The following TTLL11 variants were observed in gnomAD, a reference collection of about 807,000 sequenced individuals.
The protein encoded by TTLL11 is tubulin tyrosine ligase like 11, also known as tubulin polyglutamylase TTLL11.
Under a neutral mutation model 51.7 loss-of-function variants are expected in TTLL11, and 42 were observed. The ratio of observed to expected loss-of-function variants is 0.81; its 90% CI spans 0.64 to 1.05. The LOEUF (loss-of-function observed/expected upper bound fraction) is 1.05. Ranked by LOEUF, TTLL11 falls within the 50% of genes least tolerant of loss-of-function variation. The probability of loss-of-function intolerance (pLI) is 0.00; values close to 1 mark genes in which losing one functional copy is unlikely to be tolerated. For synonymous variants in TTLL11, 381 were observed against 383.5 expected (o/e 0.99, Z 0.08); for missense variants, 799 against 940.4 (o/e 0.85, Z 1.97).
At chr9:121,916,647 T>G (rs537883906) in intron 6 of TTLL11, among the ~76,000 whole-genome samples, 1 of 152,262 alleles carries the variant, frequency 6.6e-6, no homozygotes, top group Admixed American at 6.5e-5. Flanking sequence ...ACTTTCTGAG[T>G]TGGCCTTTAA....
intron 8 of TTLL11, among the ~76,000 whole-genome samples, chr9:121,860,023 C>T (rs1837956041): frequency 6.6e-6 from 1 of 152,182 alleles, no homozygotes; most frequent in African/African-American, 2.4e-5. Flanking sequence ...ACCCTCCAGC[C>T]CACCCAAGGC....
intron 8 of TTLL11, among the ~76,000 whole-genome samples, chr9:121,823,476 G>A (rs1836647289): frequency 6.6e-6 from 1 of 152,212 alleles, no homozygotes; most frequent in South Asian, 2.1e-4. Context: ...AACCTGGGAG[G>A]CAGAGGTTGC....
At chr9:122,073,577 G>C (rs560691930) in intron 1 of TTLL11, among the ~76,000 whole-genome samples, 2 of 152,288 alleles carry the variant, frequency 1.3e-5, no homozygotes, top group African/African-American at 4.8e-5. Flanking sequence ...CTTAAAGAAA[G>C]TGAGATTTAA....
At chr9:121,931,515 G>T (rs1365977484) in intron 6 of TTLL11, among the ~76,000 whole-genome samples, 2 of 150,172 alleles carry the variant, frequency 1.3e-5, no homozygotes, top group African/African-American at 2.5e-5. Context: ...AGCCAAGGCA[G>T]GTGGATCACT....
chr9:122,045,295 G>A (rs1275933090), intron 1 of TTLL11, among the ~76,000 whole-genome samples: 3 of 152,086 alleles, frequency 2.0e-5, no homozygotes, highest in Non-Finnish European at 2.9e-5. Context: ...CCTCACCCCT[G>A]TAATCCCAGC....
intron 1 of TTLL11, among the ~76,000 whole-genome samples, chr9:122,089,487 T>A (rs1027044953): frequency 6.6e-6 from 1 of 152,186 alleles, no homozygotes; most frequent in Admixed American, 6.5e-5. Flanking sequence ...GTCAACTTTG[T>A]AGGAGGTACT....
chr9:122,044,800 C>A (rs568036420), intron 1 of TTLL11, among the ~76,000 whole-genome samples: 252 of 152,244 alleles, frequency 1.7e-3, no homozygotes, highest in African/African-American at 5.8e-3. Flanking sequence ...CTGCTTCATA[C>A]CCATTAGGAT....
chr9:122,039,209 G>A lies in TTLL11; in HGVS notation c.559+63C>T, dbSNP rs540225557. 26 of 1,337,980 alleles carry A rather than the reference G, an allele frequency of 1.9e-5. No homozygotes were observed. In the East Asian group the frequency reaches 5.6e-4, roughly 29 times the overall value. 82.9% of individuals were successfully genotyped at this position (1,337,980 alleles called of 1,614,324 possible). On this transcript the variant is annotated intron_variant, in intron 2 of 8. Coordinates refer to ENST00000321582, the MANE Select transcript of TTLL11 (RefSeq NM_001139442.2). ...CAAAAATAACTGTCATGTTTTAGTA[G>A]AAGAGTGTATCTGAGACTTGGCCCT...
chr9:121,959,287 C>T (rs1447859022), intron 6 of TTLL11, among the ~76,000 whole-genome samples: 1 of 152,204 alleles, frequency 6.6e-6, no homozygotes, highest in African/African-American at 2.4e-5. Context: ...CTAATCCGCA[C>T]ATGGGGACCA....
intron 6 of TTLL11, among the ~76,000 whole-genome samples, chr9:121,932,024 T>C (rs1412764780): frequency 6.6e-6 from 1 of 152,148 alleles, no homozygotes; most frequent in Non-Finnish European, 1.5e-5. Flanking sequence ...TGTCACCATT[T>C]CCAACCTGAC....
intron 4 of TTLL11, among the ~76,000 whole-genome samples, chr9:121,977,676 ATTT>A (rs56249470): frequency 1.5e-5 from 2 of 136,500 alleles, no homozygotes; most frequent in Non-Finnish European, 1.6e-5. Context: ...ATTTAATTTA[ATTT>A]TTTTTTTTTT....
chr9:122,017,472 C>CTTTT (rs146107264), intron 3 of TTLL11, among the ~76,000 whole-genome samples: 15 of 127,842 alleles, frequency 1.2e-4, no homozygotes, highest in African/African-American at 1.7e-4. Flanking sequence ...CAGGGTGAGG[C>CTTTT]TTTTTTTTTT....
At chr9:121,987,028 C>T (rs142271145) in intron 4 of TTLL11, among the ~76,000 whole-genome samples, 6 of 152,096 alleles carry the variant, frequency 3.9e-5, no homozygotes, top group East Asian at 3.9e-4. Flanking sequence ...TTGCAGAAGA[C>T]GCCATACTTT....
At chr9:122,080,085 G>A (rs975637060) in intron 1 of TTLL11, among the ~76,000 whole-genome samples, 2 of 152,144 alleles carry the variant, frequency 1.3e-5, no homozygotes, top group African/African-American at 4.8e-5. Flanking sequence ...TTTCAAATTA[G>A]GCATAATGGC....
chr9:121,870,277 A>G (rs751190836), intron 7 of TTLL11, among the ~76,000 whole-genome samples: 2 of 152,290 alleles, frequency 1.3e-5, no homozygotes, highest in South Asian at 4.2e-4. Flanking sequence ...TAAATCATGA[A>G]CATAAGGTTG....
chr9:122,075,601 A>G (rs1176779619), intron 1 of TTLL11, among the ~76,000 whole-genome samples: 1 of 152,222 alleles, frequency 6.6e-6, no homozygotes, highest in African/African-American at 2.4e-5. Flanking sequence ...TAGCTGTAAT[A>G]TATCATTAGA....
chr9:121,964,758 G>A (rs1842352066), intron 6 of TTLL11, among the ~76,000 whole-genome samples: 1 of 152,024 alleles, frequency 6.6e-6, no homozygotes, highest in Non-Finnish European at 1.5e-5. Context: ...TTCTTCACTA[G>A]GGACCTCCTT....
intron 2 of TTLL11, among the ~76,000 whole-genome samples, chr9:122,035,857 G>A (rs1050886882): frequency 5.3e-5 from 8 of 152,182 alleles, no homozygotes; most frequent in Admixed American, 2.6e-4. Flanking sequence ...TAACAATGCT[G>A]TAGTTGGGTT....
At chr9:121,976,985 G>A (rs1323389421) in intron 4 of TTLL11, among the ~76,000 whole-genome samples, 4 of 152,176 alleles carry the variant, frequency 2.6e-5, no homozygotes, top group African/African-American at 9.7e-5. Flanking sequence ...AGCAGGCTGT[G>A]GTGATGACGT....
Sources: allele counts gnomAD v4.1 joint callset (sites outside exome capture counted in the v4.1 genomes callset), GRCh38; gene constraint gnomAD v4.1.1; transcripts MANE v1.5; gene names NCBI Gene and HGNC (gene_info 2026-07-23, HGNC 2026-07-21).